TNS1: variants seen among roughly 807,000 people sequenced by gnomAD.
The protein encoded by TNS1 is tensin 1.
A neutral mutation model predicts 168.6 loss-of-function variants in TNS1; 62 were observed. The observed-to-expected ratio is 0.37, with a 90% CI of 0.30 to 0.45. The LOEUF (loss-of-function observed/expected upper bound fraction) is 0.45, where lower values mean the gene tolerates loss of function less well. Ranked by LOEUF, TNS1 falls within the 20% of genes least tolerant of loss-of-function variation. The pLI, the probability that TNS1 is intolerant of heterozygous loss-of-function variation, is 1.00. For missense variants in TNS1, 2,240 were observed against 2,339.4 expected (o/e 0.96, Z 0.88); for synonymous variants, 934 against 933.2 (o/e 1.00, Z -0.02).
At chr2:217,925,166 T>C (rs1292446916) in intron 3 of TNS1, among the ~76,000 whole-genome samples, 1 of 152,268 alleles carries the variant, frequency 6.6e-6, no homozygotes, top group Non-Finnish European at 1.5e-5. Flanking sequence ...TGTTCTGTCG[T>C]GTTTTTACAT....
intron 18 of TNS1, among the ~76,000 whole-genome samples, chr2:217,853,195 G>A (rs979942307): frequency 1.3e-5 from 2 of 152,196 alleles, no homozygotes; most frequent in African/African-American, 4.8e-5. Context: ...AAGGCAGGAA[G>A]GGCAAAAGAG....
At chr2:217,999,168 T>C (rs1122921) in intron 1 of TNS1, among the ~76,000 whole-genome samples, 32,254 of 152,060 alleles carry the variant, frequency 0.21, 3,899 homozygotes, top group East Asian at 0.45. Context: ...ACCCCACATG[T>C]CCTGCCCCAA....
At chr2:218,022,185 G>A (rs1025259652) in intron 1 of TNS1, among the ~76,000 whole-genome samples, 1 of 151,914 alleles carries the variant, frequency 6.6e-6, no homozygotes, top group African/African-American at 2.4e-5. Context: ...GGAGAGGAGA[G>A]AAAGAGACAG....
At chr2:217,867,000 G>A (rs1949340629) in intron 18 of TNS1, among the ~76,000 whole-genome samples, 2 of 152,230 alleles carry the variant, frequency 1.3e-5, no homozygotes, top group Non-Finnish European at 2.9e-5. Context: ...GTGGGTGTCA[G>A]AATCCAAGCT....
chr2:217,901,384 G>C (rs1952955772), intron 6 of TNS1, among the ~76,000 whole-genome samples: 1 of 152,194 alleles, frequency 6.6e-6, no homozygotes, highest in African/African-American at 2.4e-5. Flanking sequence ...ATCATGCCTG[G>C]TATTTACCAG....
intron 1 of TNS1, among the ~76,000 whole-genome samples, chr2:218,009,879 G>C (rs2105998850): frequency 6.6e-6 from 1 of 152,310 alleles, no homozygotes; most frequent in East Asian, 1.9e-4. Flanking sequence ...TGGGGGAGGG[G>C]CAGCAACTCC....
Position 217,804,507 on chromosome 2 carries a change from G to T in TNS1, c.5472C>A (p.Ile1824=). The change falls in exon 33 of 33, where the codon ATC becomes ATA. Residue 1824 remains isoleucine, a synonymous_variant. Transcript: ENST00000682258. ...ELDPNQPASA[I]VNFVSKVMLN... ...GCATGACCTTGGAGACGAAGTTGAC[G>T]ATGGCAGAGGCCGGCTGGTTGGGGT... 6.2e-7 allele frequency: 1 copy of T among 1,614,140 alleles called. No homozygotes were observed. Among genetic ancestry groups the T allele is most frequent in the Non-Finnish European group, 8.5e-7 (1 of 1,180,006 alleles).
rs997541333 is a variant in TNS1 at position 217,886,208 on chromosome 2, G to A, written c.980-104C>T. The stretch of plus-strand genomic sequence containing the variant: ...AAGAGAGAAAGGAAGGAAGAAATGG[G>A]GGAAGACGGGGTAGGAAGGGGAAGG... On this transcript the variant is annotated intron_variant, in intron 13 of 32. Coordinates refer to ENST00000682258, the MANE Select transcript of TNS1 (RefSeq NM_001387777.1). 1.8e-5 allele frequency: 22 copies of A among 1,239,282 alleles called. No homozygotes were observed. The Admixed American group carries it at 4.2e-4, about 23-fold the overall frequency. The allele number at this position is 1,239,282 out of a possible 1,614,324, so 76.8% of individuals were successfully genotyped here.
chr2:218,026,687 C>A (rs1213114145), intron 1 of TNS1, among the ~76,000 whole-genome samples: 2 of 152,258 alleles, frequency 1.3e-5, no homozygotes, highest in Non-Finnish European at 2.9e-5. Flanking sequence ...CCACCCACCG[C>A]GTATGTCAGG....
chr2:217,808,538 T>C, intron 31 of TNS1, 65 bp downstream of exon 31: 2 of 1,449,166 alleles, frequency 1.4e-6, no homozygotes, highest in South Asian at 1.2e-5. Context: ...TGCACATGCA[T>C]GCACCCACAC....
chr2:217,862,498 G>A (rs1415112685), intron 18 of TNS1, among the ~76,000 whole-genome samples: 2 of 152,174 alleles, frequency 1.3e-5, no homozygotes, highest in African/African-American at 2.4e-5. Flanking sequence ...ATACCTTCTG[G>A]AAACTTCTCA....
intron 18 of TNS1, among the ~76,000 whole-genome samples, chr2:217,854,961 C>A (rs1223891441): frequency 2.0e-5 from 3 of 152,194 alleles, no homozygotes; most frequent in African/African-American, 4.8e-5. Context: ...ACTCAGAGCC[C>A]GGCCTGCAGG....
intron 3 of TNS1, among the ~76,000 whole-genome samples, chr2:217,921,452 G>A (rs749294630): frequency 6.6e-6 from 1 of 152,182 alleles, no homozygotes; most frequent in Non-Finnish European, 1.5e-5. Flanking sequence ...CACCCTAGCT[G>A]AGCCCTTCCT....
chr2:217,814,505 A>G (rs1460643757), intron 25 of TNS1, among the ~76,000 whole-genome samples: 3 of 152,158 alleles, frequency 2.0e-5, no homozygotes, highest in Non-Finnish European at 2.9e-5. Context: ...GATTTGACCC[A>G]TGGGCTGCCG....
At chr2:217,926,575 G>A (rs185130085) in intron 3 of TNS1, among the ~76,000 whole-genome samples, 3 of 152,216 alleles carry the variant, frequency 2.0e-5, no homozygotes, top group Admixed American at 2.0e-4. Context: ...TATTTTTTGC[G>A]ATCTTCTTGA....
At chr2:217,918,833 A>G (rs1575077567) in intron 4 of TNS1, among the ~76,000 whole-genome samples, 2 of 143,926 alleles carry the variant, frequency 1.4e-5, no homozygotes, top group African/African-American at 2.6e-5. Context: ...GCCCGACTGC[A>G]CTCCACCCCC....
chr2:217,840,332 CA>C (rs1397019527), intron 19 of TNS1, among the ~76,000 whole-genome samples: 1 of 152,174 alleles, frequency 6.6e-6, no homozygotes, highest in African/African-American at 2.4e-5. Flanking sequence ...TCCCAGAGGC[CA>C]GGGGTAGATG....
At chr2:217,854,371 G>A (rs1487452481) in intron 18 of TNS1, among the ~76,000 whole-genome samples, 2 of 152,190 alleles carry the variant, frequency 1.3e-5, no homozygotes, top group African/African-American at 2.4e-5. Flanking sequence ...CTTCCCTGTC[G>A]GACCAGCAGG....
chr2:217,990,907 T>C, intron 2 of TNS1, 35 bp downstream of exon 2: 1 of 578,040 alleles, frequency 1.7e-6, no homozygotes, highest in Non-Finnish European at 3.2e-6. Context: ...CCCTGATGGG[T>C]GCTCCCATCC....
Sources: allele counts gnomAD v4.1 joint callset (sites outside exome capture counted in the v4.1 genomes callset), GRCh38; gene constraint gnomAD v4.1.1; transcripts MANE v1.5; gene names NCBI Gene and HGNC (gene_info 2026-07-23, HGNC 2026-07-21).